NLGN1: variants seen among roughly 807,000 people sequenced by gnomAD.
The protein encoded by NLGN1 is neuroligin-1.
A neutral mutation model predicts 65.5 loss-of-function variants in NLGN1; 12 were observed. That is an observed-to-expected ratio of 0.18 (90% CI 0.12 to 0.30). The LOEUF is 0.30. NLGN1 is among the 10% of genes least tolerant of loss of function. The probability of loss-of-function intolerance (pLI) is 1.00; values close to 1 mark genes in which losing one functional copy is unlikely to be tolerated. For synonymous variants in NLGN1, 350 were observed against 359.5 expected (o/e 0.97, Z 0.30); for missense variants, 750 against 1,007.1 (o/e 0.74, Z 3.46).
chr3:174,272,076 G>T (rs981553192), intron 4 of NLGN1, among the ~76,000 whole-genome samples: 33 of 151,504 alleles, frequency 2.2e-4, no homozygotes, highest in Non-Finnish European at 4.3e-4. Flanking sequence ...CACATCCCAG[G>T]AACTTAAAAT....
intron 4 of NLGN1, among the ~76,000 whole-genome samples, chr3:174,086,896 T>C (rs1743518693): frequency 6.6e-6 from 1 of 152,168 alleles, no homozygotes; most frequent in African/African-American, 2.4e-5. Flanking sequence ...AGATTCAGAA[T>C]CTTTTAGCAT....
chr3:174,020,200 T>A (rs1727471361), intron 4 of NLGN1, among the ~76,000 whole-genome samples: 1 of 152,124 alleles, frequency 6.6e-6, no homozygotes, highest in African/African-American at 2.4e-5. Context: ...ATTAGTAATT[T>A]TATAGTTTGC....
At chr3:173,505,563 C>CTCCTTGGTATACTGT (rs1416419742) in intron 2 of NLGN1, among the ~76,000 whole-genome samples, 4 of 152,068 alleles carry the variant, frequency 2.6e-5, no homozygotes, top group African/African-American at 9.7e-5. Flanking sequence ...GTATATCAAG[C>CTCCTTGGTATACTGT]TCCTTGGTAT....
intron 3 of NLGN1, among the ~76,000 whole-genome samples, chr3:173,701,978 G>A (rs1767238759): frequency 2.6e-5 from 4 of 152,130 alleles, no homozygotes; most frequent in Admixed American, 2.6e-4. Flanking sequence ...GGTGGCTCAC[G>A]CCTGTAATCC....
chr3:173,954,128 T>A (rs1265022438), intron 4 of NLGN1, among the ~76,000 whole-genome samples: 1 of 151,948 alleles, frequency 6.6e-6, no homozygotes, highest in East Asian at 1.9e-4. Context: ...CTGTAACTTA[T>A]CGACAAGAAA....
chr3:173,437,191 T>A (rs1481555495), intron 2 of NLGN1, among the ~76,000 whole-genome samples: 1 of 152,240 alleles, frequency 6.6e-6, no homozygotes, highest in Non-Finnish European at 1.5e-5. Flanking sequence ...ATACTTGGAA[T>A]AATTTGACTG....
At chr3:173,958,784 C>A in intron 4 of NLGN1, among the ~76,000 whole-genome samples, 1 of 152,198 alleles carries the variant, frequency 6.6e-6, no homozygotes. Flanking sequence ...CCAGGCTGTT[C>A]ATGCTGAGAG....
chr3:174,102,115 C>T (rs574118889), intron 4 of NLGN1, among the ~76,000 whole-genome samples: 4 of 152,262 alleles, frequency 2.6e-5, no homozygotes, highest in African/African-American at 7.2e-5. Context: ...AGATTTTCCA[C>T]CCTCCAAAGA....
chr3:174,147,688 C>A (rs920908196), intron 4 of NLGN1, among the ~76,000 whole-genome samples: 2 of 151,830 alleles, frequency 1.3e-5, no homozygotes, highest in African/African-American at 2.4e-5. Flanking sequence ...GTGGGCCAAG[C>A]AAAACACATT....
At chr3:173,505,794 A>G (rs1731944695) in intron 2 of NLGN1, among the ~76,000 whole-genome samples, 1 of 152,104 alleles carries the variant, frequency 6.6e-6, no homozygotes, top group Non-Finnish European at 1.5e-5. Context: ...TTATTAAATA[A>G]TGACTTAAAT....
chr3:174,033,039 T>C (rs1730371865), intron 4 of NLGN1, among the ~76,000 whole-genome samples: 1 of 151,994 alleles, frequency 6.6e-6, no homozygotes, highest in African/African-American at 2.4e-5. Context: ...TATATATATC[T>C]AGAGAATCAC....
chr3:173,397,990 A>C (rs1309201484), upstream of NLGN1: 4 of 152,238 alleles, frequency 2.6e-5, no homozygotes, highest in Admixed American at 2.6e-4. Context: ...GCGGCGCCCC[A>C]GTCACTGCAG....
intron 4 of NLGN1, among the ~76,000 whole-genome samples, chr3:174,120,539 A>G (rs1254325663): frequency 6.6e-6 from 1 of 152,034 alleles, no homozygotes; most frequent in East Asian, 1.9e-4. Context: ...GTACTAATTT[A>G]TTACTAGTTC....
At chr3:174,290,914 T>G (rs1752694409), downstream of NLGN1, among the ~76,000 whole-genome samples, 1 of 150,608 alleles carries the variant, frequency 6.6e-6, no homozygotes, top group Non-Finnish European at 1.5e-5. Context: ...AGAAATTAGA[T>G]AAACTAAAAA....
Position 174,283,902 on chromosome 3 carries a change from A to C in NLGN1, c.*2599A>C, listed in dbSNP as rs549671822. The C allele has an allele frequency of 1.5e-3, 226 of 151,650 alleles. 1 individual carries two copies. Among genetic ancestry groups the C allele is most frequent in the African/African-American group, 5.3e-3 (220 of 41,500 alleles). The allele number at this position is 151,650 out of a possible 1,614,324, so 9.4% of individuals were successfully genotyped here. The stretch of plus-strand genomic sequence containing the variant: ...TATTAATTAAACAAAACACAAGAAC[A>C]GAATAGAAATGACAACAAAATAAGA... On this transcript the variant is annotated 3_prime_UTR_variant, in exon 7 of 7. Coordinates refer to ENST00000457714, the Ensembl canonical transcript of NLGN1.
intron 4 of NLGN1, among the ~76,000 whole-genome samples, chr3:174,273,279 A>ATTCT (rs1382143171): frequency 5.2e-5 from 7 of 134,688 alleles, no homozygotes; most frequent in Non-Finnish European, 1.1e-4. Context: ...TTATGTTCTT[A>ATTCT]TTCTTTCATT....
At chr3:174,164,563 A>C (rs907071433) in intron 4 of NLGN1, among the ~76,000 whole-genome samples, 1 of 152,006 alleles carries the variant, frequency 6.6e-6, no homozygotes, top group African/African-American at 2.4e-5. Flanking sequence ...AGGCCATTTT[A>C]TTCTTGTGCA....
intron 4 of NLGN1, among the ~76,000 whole-genome samples, chr3:174,003,488 G>T (rs1723717269): frequency 6.6e-6 from 1 of 152,082 alleles, no homozygotes; most frequent in African/African-American, 2.4e-5. Flanking sequence ...GTAAATTATG[G>T]AGTCAAGATA....
intron 4 of NLGN1, among the ~76,000 whole-genome samples, chr3:173,860,303 C>T (rs1209825582): frequency 6.6e-6 from 1 of 151,828 alleles, no homozygotes; most frequent in Non-Finnish European, 1.5e-5. Flanking sequence ...ATTATTGTGT[C>T]TTATTTGACC....
Sources: allele counts gnomAD v4.1 joint callset (sites outside exome capture counted in the v4.1 genomes callset), GRCh38; gene constraint gnomAD v4.1.1; transcripts MANE v1.5; gene names NCBI Gene and HGNC (gene_info 2026-07-23, HGNC 2026-07-21).